The following NPLOC4 variants were observed in gnomAD, a reference collection of about 807,000 sequenced individuals.
The protein encoded by NPLOC4 is nuclear protein localization protein 4 homolog.
Under a neutral mutation model 80.6 loss-of-function variants are expected in NPLOC4, and 18 were observed. The ratio of observed to expected loss-of-function variants is 0.22; its 90% CI spans 0.15 to 0.33. NPLOC4 has a LOEUF of 0.33. NPLOC4 is among the 10% of genes least tolerant of loss of function. The pLI is 1.00. For synonymous variants in NPLOC4, 313 were observed against 301.5 expected (o/e 1.04, Z -0.39); for missense variants, 540 against 786.1 (o/e 0.69, Z 3.74).
At chr17:81,588,877 A>C in intron 12 of NPLOC4, 67 bp downstream of exon 12, 1 of 1,417,194 alleles carries the variant, frequency 7.1e-7, no homozygotes. Context: ...CACCCAAATT[A>C]GAAAGGTCCA....
At chr17:81,629,868 G>T in intron 1 of NPLOC4, 63 bp from the exon 2 acceptor site, 3 of 1,212,732 alleles carry the variant, frequency 2.5e-6, no homozygotes, top group Non-Finnish European at 3.6e-6. Flanking sequence ...TAATACTACG[G>T]CTTCCATCTG....
intron 8 of NPLOC4, among the ~76,000 whole-genome samples, chr17:81,603,014 CAT>C (rs35879038): frequency 5.2e-4 from 73 of 141,086 alleles, no homozygotes; most frequent in Non-Finnish European, 8.7e-4. Flanking sequence ...CACACACACA[CAT>C]ATAAAAGTCA....
Position 81,558,946 on chromosome 17 carries a change from C to T in NPLOC4, c.*313G>A, listed in dbSNP as rs1030490782. The T allele has an allele frequency of 1.6e-5, 4 of 256,808 alleles. No individual in the cohort carries two copies. Among genetic ancestry groups the T allele is most frequent in the African/African-American group, 8.9e-5 (4 of 45,058 alleles). The allele number at this position is 256,808 out of a possible 1,614,324, so 15.9% of individuals were successfully genotyped here. A position where few individuals can be genotyped will look rare whatever the true frequency, so the allele number is the denominator to read the frequency against. ...CGGCCCCTCCCTGTGCGCCCCAATT[C>T]CAGGTGCCACGTAGAGGCGAGAGGT... On this transcript the variant is annotated 3_prime_UTR_variant, in exon 17 of 17. Coordinates refer to ENST00000331134, the MANE Select transcript of NPLOC4 (RefSeq NM_017921.4).
At chr17:81,621,531 T>C (rs7502883) in intron 3 of NPLOC4, among the ~76,000 whole-genome samples, 93,605 of 152,016 alleles carry the variant, frequency 0.62, 30,856 homozygotes, top group East Asian at 0.99. Flanking sequence ...CACATGTGAG[T>C]AAGTGCCCAG....
chr17:81,601,188 A>ATTCTAT (rs1258914819), intron 8 of NPLOC4, among the ~76,000 whole-genome samples: 5 of 152,232 alleles, frequency 3.3e-5, no homozygotes, highest in African/African-American at 9.6e-5. Context: ...CAGAAACCCC[A>ATTCTAT]GCCATAAGAA....
chr17:81,594,174 C>T (rs1037463420), intron 11 of NPLOC4, among the ~76,000 whole-genome samples: 20 of 146,412 alleles, frequency 1.4e-4, no homozygotes, highest in African/African-American at 5.1e-4. Context: ...ACTCGGGAGG[C>T]TGAGGCAGGA....
At chr17:81,596,856 TG>T (rs1363633077) in intron 10 of NPLOC4, among the ~76,000 whole-genome samples, 1 of 152,132 alleles carries the variant, frequency 6.6e-6, no homozygotes, top group African/African-American at 2.4e-5. Flanking sequence ...GGCTCACACC[TG>T]TAATCCCAGC....
rs1420876061 is a variant in NPLOC4, at chr17:81,577,234, C to A, written c.1282-5146G>T. On this transcript the variant is annotated intron_variant, in intron 12 of 16. Coordinates refer to ENST00000331134, the MANE Select transcript of NPLOC4 (RefSeq NM_017921.4). The surrounding 1 kb of genome is among the most constrained non-coding windows in gnomAD (Gnocchi z 4.3). ...CCCCACGGCGCTCTGACCCGCCCCA[C>A]CCCATCACTGTGTAGTCCTCGCCAG... Among the ~76,000 whole-genome samples the A allele has an allele frequency of 6.6e-6, 1 of 152,062 alleles. No homozygotes were observed. Among genetic ancestry groups the A allele is most frequent in the Non-Finnish European group, 1.5e-5 (1 of 68,006 alleles).
chr17:81,611,731 C>CG (rs1312927550), intron 4 of NPLOC4, among the ~76,000 whole-genome samples: 1 of 151,486 alleles, frequency 6.6e-6, no homozygotes, highest in Admixed American at 6.6e-5. Context: ...GAGGCCGAGG[C>CG]GGGTGGATCA....
chr17:81,570,322 G>A (rs1221895336), intron 13 of NPLOC4, among the ~76,000 whole-genome samples: 4 of 152,182 alleles, frequency 2.6e-5, no homozygotes, highest in Admixed American at 6.5e-5. Context: ...TGCCCAGCAC[G>A]GGGCTGGTAC....
chr17:81,580,622 T>C lies in NPLOC4; in HGVS notation c.1281+8322A>G, dbSNP rs747560469. Among the ~76,000 whole-genome samples the C allele has an allele frequency of 1.2e-4, 18 of 152,098 alleles. No individual in the cohort carries two copies. Among genetic ancestry groups the C allele is most frequent in the African/African-American group, 3.6e-4 (15 of 41,416 alleles). ...GACACCCCCAGAGCTGCTCTGCCAA[T>C]TGACACCTTCTCTCCCCTCTCAGGA... is the stretch of plus-strand genomic sequence containing the variant. On this transcript the variant is annotated intron_variant, in intron 12 of 16. Transcript: ENST00000331134. This position sits in a 1 kb window ranked among gnomAD's most constrained non-coding sequence, Gnocchi z 4.4.
At chr17:81,615,957 C>T (rs1407972891) in intron 3 of NPLOC4, among the ~76,000 whole-genome samples, 1 of 152,158 alleles carries the variant, frequency 6.6e-6, no homozygotes, top group African/African-American at 2.4e-5. Context: ...GAAATTAACT[C>T]AAAGGAGTTG....
chr17:81,594,667 C>T (rs920338730), intron 11 of NPLOC4, among the ~76,000 whole-genome samples: 8 of 151,812 alleles, frequency 5.3e-5, no homozygotes, highest in East Asian at 1.9e-4. Flanking sequence ...CCCAGCTACT[C>T]GGGAGGCTGA....
At chr17:81,609,209 G>A (rs1012113180) in intron 5 of NPLOC4, among the ~76,000 whole-genome samples, 5 of 152,062 alleles carry the variant, frequency 3.3e-5, no homozygotes, top group Non-Finnish European at 5.9e-5. Context: ...TAGTGGAGAC[G>A]GGGTTTCAGC....
At chr17:81,583,415 C>G (rs900219714) in intron 12 of NPLOC4, among the ~76,000 whole-genome samples, 7 of 152,230 alleles carry the variant, frequency 4.6e-5, no homozygotes, top group African/African-American at 1.4e-4. Context: ...AACAAGAACT[C>G]TACCAGATGC....
Position 81,559,309 on chromosome 17 carries a change from T to C in NPLOC4, c.1777A>G (p.Asn593Asp). 6.2e-7 allele frequency: 1 copy of C among 1,606,814 alleles called. No homozygotes were observed. Among genetic ancestry groups the C allele is most frequent in the Non-Finnish European group, 8.5e-7 (1 of 1,177,114 alleles). The change falls in exon 17 of 17, where the codon AAC becomes GAC. Residue 593 changes from asparagine (N) to aspartate (D), a missense_variant. Coordinates refer to ENST00000331134, the MANE Select transcript of NPLOC4 (RefSeq NM_017921.4). Reference sequence around the variant, plus strand: ...TCGCAGTGGCCTGTGCCTGGCTGGTTCATGAACGTGCAGTGCTGACAGGCC... The same window carrying C: ...TCGCAGTGGCCTGTGCCTGGCTGGTCCATGAACGTGCAGTGCTGACAGGCC... ...MWACQHCTFM[N>D]QPGTGHCEMC...
intron 9 of NPLOC4, 105 bp downstream of exon 9, chr17:81,600,236 G>C (rs2035027737): frequency 1.3e-6 from 1 of 753,400 alleles, no homozygotes; most frequent in South Asian, 1.5e-5. Flanking sequence ...CAGCCGGAGA[G>C]AGCCAGTACC....
At chr17:81,617,078 T>C (rs2035513771) in intron 3 of NPLOC4, among the ~76,000 whole-genome samples, 1 of 151,946 alleles carries the variant, frequency 6.6e-6, no homozygotes, top group East Asian at 1.9e-4. Context: ...ATGCCAACAG[T>C]CACGAGACCC....
In NPLOC4 at chr17:81,604,536, C is replaced by T. The variant is rs1378948421; in HGVS notation, c.834+12G>A. 1.2e-6 allele frequency: 2 copies of T among 1,608,300 alleles called. No individual in the cohort carries two copies. The highest frequency in any genetic ancestry group is 1.3e-5 in the African/African-American group (1 of 74,656). ...CACAGAAACTCAGGAACTTGAATCC[C>T]GTCATGTTTACCTGAGGTGGCTCAT... On this transcript the variant is annotated intron_variant, in intron 8 of 16. Coordinates refer to ENST00000331134, the MANE Select transcript of NPLOC4 (RefSeq NM_017921.4).
Sources: gnomAD v4.1 joint callset for allele counts (sites outside exome capture counted in the v4.1 genomes callset) on GRCh38, gnomAD v4.1.1 for gene constraint, Gnocchi (gnomAD v3.1) non-coding constraint, MANE v1.5 for transcripts, NCBI Gene and HGNC (gene_info 2026-07-23, HGNC 2026-07-21) for gene names.